C1orf216: variants seen among roughly 807,000 people sequenced by gnomAD.
C1orf216 encodes the protein UPF0500 protein C1orf216.
Under a neutral mutation model 16.4 loss-of-function variants are expected in C1orf216, and 18 were observed. The ratio of observed to expected loss-of-function variants is 1.10; its 90% CI spans 0.76 to 1.63. The LOEUF is 1.63. Ranked by LOEUF, C1orf216 falls within the 40% of genes most tolerant of loss-of-function variation. C1orf216 has a pLI of 0.00. For synonymous variants in C1orf216, 115 were observed against 116.9 expected, an observed-to-expected ratio of 0.98 and a Z score of 0.11; for missense variants, 271 against 297.6, an observed-to-expected ratio of 0.91 and a Z score of 0.66.
In C1orf216 at chr1:35,718,852, C is replaced by A. The variant is rs1273483709; in HGVS notation, c.-151G>T. The A allele has an allele frequency of 6.6e-6, 1 of 152,276 alleles. No homozygotes were observed. Among genetic ancestry groups the A allele is most frequent in the Non-Finnish European group, 1.5e-5 (1 of 68,078 alleles). The allele number at this position is 152,276 out of a possible 1,614,324, so 9.4% of individuals were successfully genotyped here. A position where few individuals can be genotyped will look rare whatever the true frequency, so the allele number is the denominator to read the frequency against. Reference sequence around the variant, plus strand: ...GGCTCCCGGGCAGCGCGCCCAGCCCCAGTCCCGGACTGCGGAGTCAGGCGG... The same window carrying A: ...GGCTCCCGGGCAGCGCGCCCAGCCCAAGTCCCGGACTGCGGAGTCAGGCGG... On this transcript the variant is annotated 5_prime_UTR_variant, in exon 1 of 2. Coordinates refer to ENST00000270815, the MANE Select transcript of C1orf216 (RefSeq NM_152374.2).
In C1orf216 at chr1:35,715,193, G is replaced by A. The variant is rs892486932; in HGVS notation, c.*439C>T. 6 of 192,576 alleles carry A rather than the reference G, an allele frequency of 3.1e-5. No individual in the cohort carries two copies. In the South Asian group the frequency reaches 6.2e-4, roughly 20 times the overall value. The allele number at this position is 192,576 out of a possible 1,614,324, so 11.9% of individuals were successfully genotyped here. On this transcript the variant is annotated 3_prime_UTR_variant, in exon 2 of 2. Transcript: ENST00000270815. The surrounding 1 kb of genome is among the most constrained non-coding windows in gnomAD (Gnocchi z 4.3). Reference sequence around the variant, plus strand: ...CTCCCATGCCTGTGGCCAAACATGTGCACCCCTGCACACACAAGGGCTTCC... The same window carrying A: ...CTCCCATGCCTGTGGCCAAACATGTACACCCCTGCACACACAAGGGCTTCC...
In C1orf216 at chr1:35,717,727, A is replaced by G. The variant is rs533989064; in HGVS notation, c.-6+980T>C. Among the ~76,000 whole-genome samples the G allele has an allele frequency of 1.9e-4, 29 of 152,302 alleles. 1 individual carries two copies. Among genetic ancestry groups the G allele is most frequent in the African/African-American group, 6.7e-4 (28 of 41,558 alleles). On this transcript the variant is annotated intron_variant, in intron 1 of 1. Transcript: ENST00000270815. The stretch of plus-strand genomic sequence containing the variant: ...TCAACTGGCATTTTTGGTTTGTGGT[A>G]ATGATCTTGTAATAGCAGTTTGTAA...
rs1234872350 is a variant in C1orf216 at position 35,714,831 on chromosome 1, T to C, written c.*801A>G. ...CACACTGCCAAAATTGCAGCCAAAA[T>C]TCCATGGCAGGCCAGAGCAGCCACT... On this transcript the variant is annotated 3_prime_UTR_variant, in exon 2 of 2. Transcript: ENST00000270815. The C allele has an allele frequency of 6.6e-6, 1 of 152,334 alleles. No individual in the cohort carries two copies. Among genetic ancestry groups the C allele is most frequent in the African/African-American group, 2.4e-5 (1 of 41,434 alleles). 9.4% of individuals were successfully genotyped at this position (152,334 alleles called of 1,614,324 possible). A position where few individuals can be genotyped will look rare whatever the true frequency, so the allele number is the denominator to read the frequency against.
Position 35,715,256 on chromosome 1 carries a change from A to C in C1orf216, c.*376T>G, listed in dbSNP as rs1439984899. The C allele has an allele frequency of 3.8e-6, 1 of 265,928 alleles. No individual in the cohort carries two copies. The highest frequency in any genetic ancestry group is 7.2e-6 in the Non-Finnish European group (1 of 138,070). 16.5% of individuals were successfully genotyped at this position (265,928 alleles called of 1,614,324 possible). On this transcript the variant is annotated 3_prime_UTR_variant, in exon 2 of 2. Coordinates refer to ENST00000270815, the MANE Select transcript of C1orf216 (RefSeq NM_152374.2). The surrounding 1 kb of genome is among the most constrained non-coding windows in gnomAD (Gnocchi z 4.3). ...AATACAAGCCTGCACACTCAAACTCACTCATAGACACACACATCTTCTGCC... is the reference window on the plus strand; with the variant it reads ...AATACAAGCCTGCACACTCAAACTCCCTCATAGACACACACATCTTCTGCC...
At position 35,715,408 on chromosome 1, in the gene C1orf216, A is replaced by G. The variant is rs977125266; in HGVS notation, c.*224T>C. On this transcript the variant is annotated 3_prime_UTR_variant, in exon 2 of 2. Coordinates refer to ENST00000270815, the MANE Select transcript of C1orf216 (RefSeq NM_152374.2). This position sits in a 1 kb window ranked among gnomAD's most constrained non-coding sequence, Gnocchi z 4.3. ...TGTTCACTCTTACATGCTCACATAT[A>G]GGTCTGCAGATAAATTAGCTGTGTG... is the stretch of plus-strand genomic sequence containing the variant. The G allele has an allele frequency of 1.7e-6, 1 of 582,046 alleles. No individual in the cohort carries two copies. Among genetic ancestry groups the G allele is most frequent in the Non-Finnish European group, 3.0e-6 (1 of 329,058 alleles). 36.1% of individuals were successfully genotyped at this position (582,046 alleles called of 1,614,324 possible). A position where few individuals can be genotyped will look rare whatever the true frequency, so the allele number is the denominator to read the frequency against.
chr1:35,718,760 T>A lies in C1orf216; in HGVS notation c.-59A>T, dbSNP rs921915513. ...TGGCTCTGGCTCCGCCCGGCCCTGGTGGTGTCTAGTCCCTGGGCTGGGGGT... is the reference window on the plus strand; with the variant it reads ...TGGCTCTGGCTCCGCCCGGCCCTGGAGGTGTCTAGTCCCTGGGCTGGGGGT... On this transcript the variant is annotated 5_prime_UTR_variant, in exon 1 of 2. Coordinates refer to ENST00000270815, the MANE Select transcript of C1orf216 (RefSeq NM_152374.2). 3 of 152,410 alleles carry A rather than the reference T, an allele frequency of 2.0e-5. No individual in the cohort carries two copies. The highest frequency in any genetic ancestry group is 2.9e-5 in the Non-Finnish European group (2 of 68,214). 9.4% of individuals were successfully genotyped at this position (152,410 alleles called of 1,614,324 possible).
At chr1:35,718,353 A>G (rs947377462) in intron 1 of C1orf216, among the ~76,000 whole-genome samples, 1 of 152,222 alleles carries the variant, frequency 6.6e-6, no homozygotes, top group Middle Eastern at 3.4e-3. Context: ...GTTCGTTTCT[A>G]ATCGCCCTCT....
Position 35,716,094 on chromosome 1 carries a change from G to T in C1orf216, c.228C>A (p.Ser76=), listed in dbSNP as rs201123337. 1.9e-6 allele frequency: 3 copies of T among 1,614,138 alleles called. No individual in the cohort carries two copies. Among genetic ancestry groups the T allele is most frequent in the East Asian group, 4.5e-5 (2 of 44,876 alleles). The change falls in exon 2 of 2, where the codon TCC becomes TCA. Residue 76 remains serine, a synonymous_variant. Transcript: ENST00000270815. ...GGGGGCTGCGCACCCCTTCCTCAGG[G>T]GATCCAGGGGCCTGGAAGGCTTGGT... ...SDNQAFQAPG[S]PEEGVRSPPE... is the part of the protein sequence containing the mutation.
chr1:35,715,931 A>G lies in C1orf216; in HGVS notation c.391T>C (p.Cys131Arg), dbSNP rs781698552. ...DSRSSSPEPA[C>R]GTPRGPGPPD... The stretch of plus-strand genomic sequence containing the variant: ...GGGCCAGGGCCTCGCGGGGTCCCAC[A>G]GGCAGGCTCAGGACTGCTGCTACGG... Residue 131 changes from cysteine to arginine, a missense_variant, in exon 2 of 2, where the codon TGT (cysteine) becomes CGT (arginine). Around this residue, in one of 3 missense-constraint regions of C1orf216, gnomAD observed 220 missense variants for 227.8 expected, o/e 0.97. Transcript: ENST00000270815. The surrounding 1 kb of genome is among the most constrained non-coding windows in gnomAD (Gnocchi z 4.3). The G allele has an allele frequency of 3.9e-5, 63 of 1,614,148 alleles. No individual in the cohort carries two copies. The highest frequency in any genetic ancestry group is 5.3e-5 in the Non-Finnish European group (62 of 1,180,026).
chr1:35,718,058 A>G (rs997753560), intron 1 of C1orf216, among the ~76,000 whole-genome samples: 27 of 152,018 alleles, frequency 1.8e-4, no homozygotes, highest in African/African-American at 6.5e-4. Context: ...CACAGCCACT[A>G]TCTTGCGGTC....
intron 1 of C1orf216, 70 bp from the exon 2 acceptor site, chr1:35,716,396 G>C (rs1640958427): frequency 1.5e-6 from 2 of 1,364,016 alleles, no homozygotes; most frequent in Non-Finnish European, 2.0e-6. Context: ...GGGCAACTTA[G>C]CTGCAGGGAC....
rs1330796821 is a variant in C1orf216, at chr1:35,714,035, G to A, written c.*1597C>T. 6.6e-6 allele frequency: 1 copy of A among 152,014 alleles called. No individual in the cohort carries two copies. Among genetic ancestry groups the A allele is most frequent in the Non-Finnish European group, 1.5e-5 (1 of 68,024 alleles). 9.4% of individuals were successfully genotyped at this position (152,014 alleles called of 1,614,324 possible). A position where few individuals can be genotyped will look rare whatever the true frequency, so the allele number is the denominator to read the frequency against. ...CACCTGTCAGGGATGAAACTCTTTAGAGATAGGAAGAGCCCCCCACTTTGC... is the reference window on the plus strand; with the variant it reads ...CACCTGTCAGGGATGAAACTCTTTAAAGATAGGAAGAGCCCCCCACTTTGC... On this transcript the variant is annotated 3_prime_UTR_variant, in exon 2 of 2. Transcript: ENST00000270815.
rs1640946370 is a variant in C1orf216, at chr1:35,715,888, G to A, written c.434C>T (p.Pro145Leu). 1.9e-6 allele frequency: 3 copies of A among 1,614,204 alleles called. No homozygotes were observed. In the Admixed American group the frequency reaches 5.0e-5, roughly 27 times the overall value. ...RGPGPPDPLL[P>L]SVAQAVQHLQ... is the part of the protein sequence containing the mutation. ...GTGCTGCACAGCCTGGGCCACTGAG[G>A]GCAGAAGGGGATCGGGAGGGCCAGG... The change falls in exon 2 of 2, where the codon CCC becomes CTC. Residue 145 changes from proline to leucine, a missense_variant. Around this residue, in one of 3 missense-constraint regions of C1orf216, gnomAD observed 220 missense variants for 227.8 expected, o/e 0.97. Transcript: ENST00000270815. The surrounding 1 kb of genome is among the most constrained non-coding windows in gnomAD (Gnocchi z 4.3).
rs747087874 is a variant in C1orf216 at position 35,715,949 on chromosome 1, T to G, written c.373A>C (p.Ser125Arg). The G allele has an allele frequency of 6.2e-7, 1 of 1,614,144 alleles. No homozygotes were observed. Among genetic ancestry groups the G allele is most frequent in the Non-Finnish European group, 8.5e-7 (1 of 1,180,012 alleles). Residue 125 changes from serine to arginine, a missense_variant, in exon 2 of 2, where the codon AGC becomes CGC. Transcript: ENST00000270815. The surrounding 1 kb of genome is among the most constrained non-coding windows in gnomAD (Gnocchi z 4.3). ...GTCCCACAGGCAGGCTCAGGACTGC[T>G]GCTACGGCTGTCAATGCTCAGGGAA... ...SSSLSIDSRS[S>R]SPEPACGTPR...
At position 35,718,781 on chromosome 1, in the gene C1orf216, G is replaced by C. The variant is rs865913300; in HGVS notation, c.-80C>G. 12 of 152,390 alleles carry C rather than the reference G, an allele frequency of 7.9e-5. No homozygotes were observed. The highest frequency in any genetic ancestry group is 7.9e-4 in the Admixed American group (12 of 15,286). The allele number at this position is 152,390 out of a possible 1,614,324, so 9.4% of individuals were successfully genotyped here. A position where few individuals can be genotyped will look rare whatever the true frequency, so the allele number is the denominator to read the frequency against. On this transcript the variant is annotated 5_prime_UTR_variant, in exon 1 of 2. Transcript: ENST00000270815. ...CTGGTGGTGTCTAGTCCCTGGGCTGGGGGTTCCTCGGCCTGGGCGTCTCCG... is the reference window on the plus strand; with the variant it reads ...CTGGTGGTGTCTAGTCCCTGGGCTGCGGGTTCCTCGGCCTGGGCGTCTCCG...
chr1:35,716,388 G>A, intron 1 of C1orf216, 62 bp from the exon 2 acceptor site: 1 of 1,420,830 alleles, frequency 7.0e-7, no homozygotes, highest in Non-Finnish European at 9.5e-7. Flanking sequence ...TGAAGTCAGG[G>A]CAACTTAGCT....
chr1:35,715,492 AC>A lies in C1orf216; in HGVS notation c.*139del. On this transcript the variant is annotated 3_prime_UTR_variant, in exon 2 of 2. Coordinates refer to ENST00000270815, the MANE Select transcript of C1orf216 (RefSeq NM_152374.2). This position sits in a 1 kb window ranked among gnomAD's most constrained non-coding sequence, Gnocchi z 4.3. ...TATACATGCTTATTCACACATGCCT[AC>A]ACACACCAGCCTACATGTTAGCACA... is the stretch of plus-strand genomic sequence containing the variant. 1.0e-6 allele frequency: 1 copy of A among 958,176 alleles called. No homozygotes were observed. The highest frequency in any genetic ancestry group is 3.4e-4 in the Middle Eastern group (1 of 2,962). 59.4% of individuals were successfully genotyped at this position (958,176 alleles called of 1,614,324 possible).
chr1:35,717,111 C>G (rs1181598102), intron 1 of C1orf216, among the ~76,000 whole-genome samples: 1 of 151,730 alleles, frequency 6.6e-6, no homozygotes. Context: ...GGGGTCCTCA[C>G]TATCCTTCCT....
chr1:35,716,343 G>C lies in C1orf216; in HGVS notation c.-5-17C>G. On this transcript the variant is annotated splice_polypyrimidine_tract_variant and intron_variant, in intron 1 of 1. Transcript: ENST00000270815. ...ACATCTAGCCTGTAAAGGGAAAGCA[G>C]GAGACCGAGTCACAGTAGGACAGGG... is the stretch of plus-strand genomic sequence containing the variant. 6.3e-7 allele frequency: 1 copy of C among 1,590,528 alleles called. No homozygotes were observed. The highest frequency in any genetic ancestry group is 2.2e-5 in the East Asian group (1 of 44,574).
Sources: gnomAD v4.1 joint callset for allele counts (sites outside exome capture counted in the v4.1 genomes callset) on GRCh38, gnomAD v4.1.1 for gene constraint, gnomAD v4.1.1 regional missense constraint, Gnocchi (gnomAD v3.1) non-coding constraint, MANE v1.5 for transcripts, NCBI Gene and HGNC (gene_info 2026-07-23, HGNC 2026-07-21) for gene names.